Variants in DCC observed in about 807,000 individuals in gnomAD.
The protein encoded by DCC is netrin receptor DCC.
Under a neutral mutation model 172.5 loss-of-function variants are expected in DCC, and 58 were observed. That is an observed-to-expected ratio of 0.34 (90% CI 0.27 to 0.42). DCC has a LOEUF of 0.42. Among genes scored for constraint, DCC ranks in the 10% least tolerant of loss-of-function variants. The pLI, the probability that DCC is intolerant of heterozygous loss-of-function variation, is 1.00. For synonymous variants in DCC, 709 were observed against 644.5 expected (o/e 1.10, Z -1.52); for missense variants, 1,740 against 1,791.0 (o/e 0.97, Z 0.51).
At position 52,850,432 on chromosome 18, in the gene DCC, A is replaced by G. The variant is rs533211496; in HGVS notation, c.413-55612A>G. 2.6e-5 allele frequency among the ~76,000 whole-genome samples: 4 copies of G among 152,288 alleles called. No homozygotes were observed. In the East Asian group the frequency reaches 7.7e-4, roughly 29 times the overall value. ...ATTACAGCTGATTTTTAAACATGCC[A>G]TCCCATTGGTTGATCTTGTCATAGA... On this transcript the variant is annotated intron_variant, in intron 2 of 28. Coordinates refer to ENST00000442544, the MANE Select transcript of DCC (RefSeq NM_005215.4).
rs142131622 is a variant in DCC, at chr18:52,891,210, C to T, written c.413-14834C>T. ...ATAAGTCCCTAGGCTTGTTTTTAAG[C>T]TCCTCTATTAAGAACCCTGATGATA... On this transcript the variant is annotated intron_variant, in intron 2 of 28. Coordinates refer to ENST00000442544, the MANE Select transcript of DCC (RefSeq NM_005215.4). 5.3e-3 allele frequency among the ~76,000 whole-genome samples: 814 copies of T among 152,156 alleles called. 8 individuals carry two copies. The highest frequency in any genetic ancestry group is 0.018 in the African/African-American group (764 of 41,528).
intron 15 of DCC, among the ~76,000 whole-genome samples, chr18:53,364,835 T>TACATGTGC (rs1209008412): frequency 6.6e-6 from 1 of 152,136 alleles, no homozygotes; most frequent in Non-Finnish European, 1.5e-5. Context: ...CCCACAAATG[T>TACATGTGC]ACATGTGCAC....
intron 2 of DCC, among the ~76,000 whole-genome samples, chr18:52,874,571 C>T (rs183888215): frequency 4.6e-4 from 70 of 152,262 alleles, no homozygotes; most frequent in Admixed American, 3.9e-3. Context: ...ATCTAGTTCT[C>T]CATCTTGTCT....
Position 53,306,675 on chromosome 18 carries a change from A to G in DCC, c.2053+956A>G, listed in dbSNP as rs528773226. ...GTCCCCAGTGAAGCCAGAGCTTCTG[A>G]TGACTCTGCAGACACATAGGTGTCT... On this transcript the variant is annotated intron_variant, in intron 13 of 28. Coordinates refer to ENST00000442544, the MANE Select transcript of DCC (RefSeq NM_005215.4). 5.9e-5 allele frequency among the ~76,000 whole-genome samples: 9 copies of G among 152,348 alleles called. 1 individual carries two copies. The South Asian group carries it at 1.9e-3, about 32-fold the overall frequency.
At chr18:53,068,253 T>G (rs1391059141) in intron 7 of DCC, among the ~76,000 whole-genome samples, 1 of 152,038 alleles carries the variant, frequency 6.6e-6, no homozygotes, top group Non-Finnish European at 1.5e-5. Context: ...GAGCCACACT[T>G]TTTTTCTTTT....
At chr18:52,499,280 T>G (rs573612294) in intron 1 of DCC, among the ~76,000 whole-genome samples, 2 of 152,286 alleles carry the variant, frequency 1.3e-5, no homozygotes, top group African/African-American at 4.8e-5. Context: ...TCTCCCAGTT[T>G]GTTAAATGAT....
At chr18:52,759,572 T>A (rs776175221) in intron 2 of DCC, among the ~76,000 whole-genome samples, 1 of 152,158 alleles carries the variant, frequency 6.6e-6, no homozygotes, top group Non-Finnish European at 1.5e-5. Flanking sequence ...GGTACTGTAA[T>A]GAAAATGCAA....
chr18:53,470,275 G>A (rs1599186741), intron 25 of DCC, among the ~76,000 whole-genome samples: 1 of 152,242 alleles, frequency 6.6e-6, no homozygotes, highest in African/African-American at 2.4e-5. Context: ...CTAAAACATA[G>A]CAAGAGTCTC....
At chr18:53,388,856 C>A (rs1432455916) in intron 16 of DCC, among the ~76,000 whole-genome samples, 3 of 152,146 alleles carry the variant, frequency 2.0e-5, no homozygotes, top group African/African-American at 7.2e-5. Context: ...GCAGTCATGG[C>A]TCACTGTAGA....
chr18:52,407,534 T>C (rs1002929660), intron 1 of DCC, among the ~76,000 whole-genome samples: 11 of 152,014 alleles, frequency 7.2e-5, no homozygotes, highest in African/African-American at 2.7e-4. Flanking sequence ...TATAAGGGCC[T>C]CTTAAAATTA....
chr18:52,899,177 T>A (rs1463081549), intron 2 of DCC, among the ~76,000 whole-genome samples: 1 of 151,932 alleles, frequency 6.6e-6, no homozygotes, highest in Non-Finnish European at 1.5e-5. Flanking sequence ...AAAGACAGGA[T>A]CTCTCTCTGC....
chr18:52,729,426 A>G (rs192827352), intron 1 of DCC, among the ~76,000 whole-genome samples: 104 of 152,042 alleles, frequency 6.8e-4, no homozygotes, highest in African/African-American at 2.0e-3. Context: ...CACCTGCCTA[A>G]TATTTGTATT....
rs534905780 is a variant in DCC at position 53,193,130 on chromosome 18, C to T, written c.1574-12086C>T. ...ATCTCAACACTCATCTGTGCCCCTT[C>T]AATTCACTGTCTGTGTACAGTAGAC... On this transcript the variant is annotated intron_variant, in intron 9 of 28. Transcript: ENST00000442544. Among the ~76,000 whole-genome samples the T allele has an allele frequency of 2.0e-5, 3 of 152,280 alleles. No homozygotes were observed. The South Asian group carries it at 6.2e-4, about 32-fold the overall frequency.
intron 1 of DCC, among the ~76,000 whole-genome samples, chr18:52,479,823 T>C (rs1266747914): frequency 2.0e-5 from 3 of 152,084 alleles, no homozygotes; most frequent in Non-Finnish European, 4.4e-5. Flanking sequence ...ACAATTTCTT[T>C]TTTTCTCTCT....
chr18:53,149,637 T>A (rs1053509555), intron 7 of DCC, among the ~76,000 whole-genome samples: 1 of 152,234 alleles, frequency 6.6e-6, no homozygotes, highest in Non-Finnish European at 1.5e-5. Context: ...GCATATGATA[T>A]ATGTTTTTAC....
At chr18:52,548,021 T>C (rs1391540025) in intron 1 of DCC, among the ~76,000 whole-genome samples, 1 of 152,124 alleles carries the variant, frequency 6.6e-6, no homozygotes, top group African/African-American at 2.4e-5. Context: ...CTGATTTCTA[T>C]CCTCAGGTAT....
At chr18:53,048,029 A>T (rs2042280587) in intron 5 of DCC, among the ~76,000 whole-genome samples, 1 of 151,756 alleles carries the variant, frequency 6.6e-6, no homozygotes, top group East Asian at 1.9e-4. Flanking sequence ...ATTTCCCCAC[A>T]CTATTAAAGG....
intron 9 of DCC, among the ~76,000 whole-genome samples, chr18:53,198,712 A>G (rs921055520): frequency 1.3e-5 from 2 of 152,212 alleles, no homozygotes; most frequent in Non-Finnish European, 2.9e-5. Context: ...TTGTTCTGAG[A>G]TACAGGTGTT....
intron 5 of DCC, among the ~76,000 whole-genome samples, chr18:52,933,135 G>T (rs1332030616): frequency 6.6e-6 from 1 of 152,064 alleles, no homozygotes; most frequent in African/African-American, 2.4e-5. Flanking sequence ...TGGATATACG[G>T]TGAGCTAATG....
Sources: gnomAD v4.1 joint callset for allele counts (sites outside exome capture counted in the v4.1 genomes callset) on GRCh38, gnomAD v4.1.1 for gene constraint, MANE v1.5 for transcripts, NCBI Gene and HGNC (gene_info 2026-07-23, HGNC 2026-07-21) for gene names.